FUCA2: variants seen among roughly 807,000 people sequenced by gnomAD.
FUCA2 encodes the protein plasma alpha-L-fucosidase.
A neutral mutation model predicts 52.6 loss-of-function variants in FUCA2; 41 were observed. The ratio of observed to expected loss-of-function variants is 0.78; its 90% CI spans 0.61 to 1.01. FUCA2 has a LOEUF of 1.01. FUCA2 is among the 50% of genes least tolerant of loss of function. The probability of loss-of-function intolerance (pLI) is 0.00; values close to 1 mark genes in which losing one functional copy is unlikely to be tolerated. For missense variants in FUCA2, 507 were observed against 569.5 expected (o/e 0.89, Z 1.12); for synonymous variants, 211 against 217.3 (o/e 0.97, Z 0.26).
At position 143,501,895 on chromosome 6, in the gene FUCA2, C is replaced by T; in HGVS notation, c.1154+37G>A. The T allele has an allele frequency of 6.5e-7, 1 of 1,537,950 alleles. No homozygotes were observed. The highest frequency in any genetic ancestry group is 8.9e-7 in the Non-Finnish European group (1 of 1,128,896). On this transcript the variant is annotated intron_variant, in intron 5 of 6. Transcript: ENST00000002165. The surrounding 1 kb of genome is among the most constrained non-coding windows in gnomAD (Gnocchi z 6.1). ...TGTCTGATAAATTTTAAATCTCTTC[C>T]TTTATAAAAGAGTACTTGGTAACAA... is the stretch of plus-strand genomic sequence containing the variant.
chr6:143,503,707 T>C lies in FUCA2; in HGVS notation c.752+206A>G, dbSNP rs1203024879. On this transcript the variant is annotated intron_variant, in intron 3 of 6. Coordinates refer to ENST00000002165, the MANE Select transcript of FUCA2 (RefSeq NM_032020.5). This position sits in a 1 kb window ranked among gnomAD's most constrained non-coding sequence, Gnocchi z 4.8. Reference sequence around the variant, plus strand: ...TTAGTCTGATCTCAAAATCAGACCATTGAGTTGGATTTTACTCCTGATTTA... The same window carrying C: ...TTAGTCTGATCTCAAAATCAGACCACTGAGTTGGATTTTACTCCTGATTTA... 27 of 491,460 alleles carry C rather than the reference T, an allele frequency of 5.5e-5. No individual in the cohort carries two copies. Among genetic ancestry groups the C allele is most frequent in the South Asian group, 3.3e-4 (10 of 30,532 alleles). The allele number at this position is 491,460 out of a possible 1,614,324, so 30.4% of individuals were successfully genotyped here.
At position 143,503,908 on chromosome 6, in the gene FUCA2, C is replaced by T. The variant is rs757100588; in HGVS notation, c.752+5G>A. ...GTAACTGCAGCAATCTCATAGCATA[C>T]ACACCTTTCATTATATAACCAGGCC... is the stretch of plus-strand genomic sequence containing the variant. On this transcript the variant is annotated splice_donor_5th_base_variant and intron_variant, in intron 3 of 6. Coordinates refer to ENST00000002165, the MANE Select transcript of FUCA2 (RefSeq NM_032020.5). This position sits in a 1 kb window ranked among gnomAD's most constrained non-coding sequence, Gnocchi z 4.8. 2 of 1,604,368 alleles carry T rather than the reference C, an allele frequency of 1.2e-6. No individual in the cohort carries two copies. Among genetic ancestry groups the T allele is most frequent in the Non-Finnish European group, 1.7e-6 (2 of 1,173,230 alleles).
rs1175472283 is a variant in FUCA2 at position 143,499,952 on chromosome 6, A to G, written c.1154+1980T>C. Among the ~76,000 whole-genome samples, 3 of 152,242 alleles carry G rather than the reference A, an allele frequency of 2.0e-5. No individual in the cohort carries two copies. Among genetic ancestry groups the G allele is most frequent in the Non-Finnish European group, 2.9e-5 (2 of 68,036 alleles). ...AATTGAGTTAAAGGGGAGAATTGCT[A>G]TAACAATCCTTGGGTGGATGATTTG... On this transcript the variant is annotated intron_variant, in intron 5 of 6. Coordinates refer to ENST00000002165, the MANE Select transcript of FUCA2 (RefSeq NM_032020.5). This position sits in a 1 kb window ranked among gnomAD's most constrained non-coding sequence, Gnocchi z 6.0.
Position 143,504,323 on chromosome 6 carries a change from G to T in FUCA2, c.413-71C>A. The T allele has an allele frequency of 7.6e-7, 1 of 1,310,940 alleles. No individual in the cohort carries two copies. Among genetic ancestry groups the T allele is most frequent in the Non-Finnish European group, 1.1e-6 (1 of 941,732 alleles). 81.2% of individuals were successfully genotyped at this position (1,310,940 alleles called of 1,614,324 possible). ...TTAGTAAATTTCAACCCACACAAATGCCCAAACAAATCACATAGTACATGC... is the reference window on the plus strand; with the variant it reads ...TTAGTAAATTTCAACCCACACAAATTCCCAAACAAATCACATAGTACATGC... On this transcript the variant is annotated intron_variant, in intron 2 of 6. Coordinates refer to ENST00000002165, the MANE Select transcript of FUCA2 (RefSeq NM_032020.5). This position sits in a 1 kb window ranked among gnomAD's most constrained non-coding sequence, Gnocchi z 4.4.
At position 143,510,005 on chromosome 6, in the gene FUCA2, A is replaced by G. The variant is rs1368227848; in HGVS notation, c.224+1406T>C. ...TTAGGAGAGAAGATGAAATTCCAGT[A>G]TGAAAGGCACTCTGTACTAGAAGGA... On this transcript the variant is annotated intron_variant, in intron 1 of 6. Transcript: ENST00000002165. The surrounding 1 kb of genome is among the most constrained non-coding windows in gnomAD (Gnocchi z 4.4). Among the ~76,000 whole-genome samples, 1 of 152,242 alleles carries G rather than the reference A, an allele frequency of 6.6e-6. No individual in the cohort carries two copies. The highest frequency in any genetic ancestry group is 2.4e-5 in the African/African-American group (1 of 41,466).
Position 143,495,888 on chromosome 6 carries a change from CT to C in FUCA2, c.1264-42del. ...TACATGCAAATGTCTCCAAATTTAT[CT>C]CTTTATCTCACCCACTTTCTATTGG... is the stretch of plus-strand genomic sequence containing the variant. On this transcript the variant is annotated intron_variant, in intron 6 of 6. Transcript: ENST00000002165. The surrounding 1 kb of genome is among the most constrained non-coding windows in gnomAD (Gnocchi z 5.2). 1 of 1,599,332 alleles carries C rather than the reference CT, an allele frequency of 6.3e-7. No individual in the cohort carries two copies. Among genetic ancestry groups the C allele is most frequent in the Non-Finnish European group, 8.5e-7 (1 of 1,169,636 alleles).
rs934433807 is a variant in FUCA2, at chr6:143,510,736, G to A, written c.224+675C>T. ...ACTTAATACTTGTAGCATTTAGTCAGAAAAGACATGTGCAACAGTTTAAGA... is the reference window on the plus strand; with the variant it reads ...ACTTAATACTTGTAGCATTTAGTCAAAAAAGACATGTGCAACAGTTTAAGA... On this transcript the variant is annotated intron_variant, in intron 1 of 6. Coordinates refer to ENST00000002165, the MANE Select transcript of FUCA2 (RefSeq NM_032020.5). The surrounding 1 kb of genome is among the most constrained non-coding windows in gnomAD (Gnocchi z 4.4). Among the ~76,000 whole-genome samples, 3 of 152,022 alleles carry A rather than the reference G, an allele frequency of 2.0e-5. No individual in the cohort carries two copies. The highest frequency in any genetic ancestry group is 2.0e-4 in the Admixed American group (3 of 15,256).
Position 143,495,249 on chromosome 6 carries a change from T to C in FUCA2, c.*458A>G, listed in dbSNP as rs1180401842. 6.3e-6 allele frequency: 1 copy of C among 159,300 alleles called. No homozygotes were observed. The highest frequency in any genetic ancestry group is 2.4e-5 in the African/African-American group (1 of 41,540). The allele number at this position is 159,300 out of a possible 1,614,324, so 9.9% of individuals were successfully genotyped here. A position where few individuals can be genotyped will look rare whatever the true frequency, so the allele number is the denominator to read the frequency against. On this transcript the variant is annotated 3_prime_UTR_variant, in exon 7 of 7. Coordinates refer to ENST00000002165, the MANE Select transcript of FUCA2 (RefSeq NM_032020.5). This position sits in a 1 kb window ranked among gnomAD's most constrained non-coding sequence, Gnocchi z 5.2. ...AACAGTCTATACCATACACATTAGG[T>C]GTGTAGTAGGCTATGCCATCTAGGA... is the stretch of plus-strand genomic sequence containing the variant.
Position 143,510,023 on chromosome 6 carries a change from T to A in FUCA2, c.224+1388A>T, listed in dbSNP as rs554664494. 3.1e-4 allele frequency among the ~76,000 whole-genome samples: 47 copies of A among 152,330 alleles called. No individual in the cohort carries two copies. Among genetic ancestry groups the A allele is most frequent in the African/African-American group, 1.1e-3 (45 of 41,576 alleles). ...TTCCAGTATGAAAGGCACTCTGTAC[T>A]AGAAGGAAAGGCAACATCCTAAGCT... On this transcript the variant is annotated intron_variant, in intron 1 of 6. Coordinates refer to ENST00000002165, the MANE Select transcript of FUCA2 (RefSeq NM_032020.5). The surrounding 1 kb of genome is among the most constrained non-coding windows in gnomAD (Gnocchi z 4.4).
rs757551709 is a variant in FUCA2, at chr6:143,507,464, C to G, written c.225-40G>C. On this transcript the variant is annotated intron_variant, in intron 1 of 6. Transcript: ENST00000002165. The surrounding 1 kb of genome is among the most constrained non-coding windows in gnomAD (Gnocchi z 4.5). ...GGAAAGAGTGCATAAACAGCACATA[C>G]ACACATATTTAAAAGAACTGCTCCA... 7.1e-6 allele frequency: 10 copies of G among 1,414,304 alleles called. No individual in the cohort carries two copies. In the Admixed American group the frequency reaches 9.9e-5, roughly 14 times the overall value. 87.6% of individuals were successfully genotyped at this position (1,414,304 alleles called of 1,614,324 possible). A position where few individuals can be genotyped will look rare whatever the true frequency, so the allele number is the denominator to read the frequency against.
At position 143,495,659 on chromosome 6, in the gene FUCA2, GT is replaced by G; in HGVS notation, c.*47del. On this transcript the variant is annotated 3_prime_UTR_variant, in exon 7 of 7. Coordinates refer to ENST00000002165, the MANE Select transcript of FUCA2 (RefSeq NM_032020.5). This position sits in a 1 kb window ranked among gnomAD's most constrained non-coding sequence, Gnocchi z 5.2. ...GTGCTACAATTATAGACACCTGATAGTTCCTAGCCTTAGACATAACTTGCAG... is the reference window on the plus strand; with the variant it reads ...GTGCTACAATTATAGACACCTGATAGTCCTAGCCTTAGACATAACTTGCAG... The G allele has an allele frequency of 6.4e-7, 1 of 1,573,778 alleles. No homozygotes were observed. Among genetic ancestry groups the G allele is most frequent in the Middle Eastern group, 1.7e-4 (1 of 5,844 alleles).
In FUCA2 at chr6:143,507,737, A is replaced by G. The variant is rs928622532; in HGVS notation, c.225-313T>C. Among the ~76,000 whole-genome samples, 5 of 152,082 alleles carry G rather than the reference A, an allele frequency of 3.3e-5. No individual in the cohort carries two copies. The highest frequency in any genetic ancestry group is 4.8e-5 in the African/African-American group (2 of 41,402). On this transcript the variant is annotated intron_variant, in intron 1 of 6. Transcript: ENST00000002165. The surrounding 1 kb of genome is among the most constrained non-coding windows in gnomAD (Gnocchi z 4.5). Reference sequence around the variant, plus strand: ...CAGGTTGGAATGCAGTAATGGAATCATGGTTCACTGCAACCTTGACCTCCT... The same window carrying G: ...CAGGTTGGAATGCAGTAATGGAATCGTGGTTCACTGCAACCTTGACCTCCT...
Position 143,507,017 on chromosome 6 carries a change from C to A in FUCA2, c.412+220G>T. 2.1e-6 allele frequency: 1 copy of A among 483,798 alleles called. No homozygotes were observed. The highest frequency in any genetic ancestry group is 3.6e-6 in the Non-Finnish European group (1 of 279,432). The allele number at this position is 483,798 out of a possible 1,614,324, so 30.0% of individuals were successfully genotyped here. A position where few individuals can be genotyped will look rare whatever the true frequency, so the allele number is the denominator to read the frequency against. ...CAAAATACATGTGACAAAACGTGAC[C>A]ATCTTTCCTCTGTTACGTGGCGGGT... On this transcript the variant is annotated intron_variant, in intron 2 of 6. Transcript: ENST00000002165. This position sits in a 1 kb window ranked among gnomAD's most constrained non-coding sequence, Gnocchi z 4.5.
Position 143,502,089 on chromosome 6 carries a change from G to C in FUCA2, c.997C>G (p.Leu333Val). ...AGTGTGGGCCCAATATTCATCAAAA[G>C]ATTTCCTCCACATGAAACTGTCTCT... Reference protein sequence around the residue: ...LVETVSCGGNLLMNIGPTLDG... With the variant: ...LVETVSCGGNVLMNIGPTLDG... Residue 333 changes from leucine to valine, a missense_variant, in exon 5 of 7, where the codon CTT becomes GTT. Transcript: ENST00000002165. The surrounding 1 kb of genome is among the most constrained non-coding windows in gnomAD (Gnocchi z 4.1). 6.2e-7 allele frequency: 1 copy of C among 1,611,082 alleles called. No individual in the cohort carries two copies. Among genetic ancestry groups the C allele is most frequent in the Non-Finnish European group, 8.5e-7 (1 of 1,178,776 alleles).
Position 143,501,900 on chromosome 6 carries a change from T to C in FUCA2, c.1154+32A>G. 1 of 1,562,326 alleles carries C rather than the reference T, an allele frequency of 6.4e-7. No homozygotes were observed. Among genetic ancestry groups the C allele is most frequent in the South Asian group, 1.2e-5 (1 of 85,124 alleles). ...GATAAATTTTAAATCTCTTCCTTTA[T>C]AAAAGAGTACTTGGTAACAAGAATG... On this transcript the variant is annotated intron_variant, in intron 5 of 6. Coordinates refer to ENST00000002165, the MANE Select transcript of FUCA2 (RefSeq NM_032020.5). This position sits in a 1 kb window ranked among gnomAD's most constrained non-coding sequence, Gnocchi z 6.1.
Position 143,502,168 on chromosome 6 carries a change from T to C in FUCA2, c.964-46A>G, listed in dbSNP as rs761183365. ...TTTTTAGATAAATAAAATAATTCCA[T>C]CTTTAATGTGCTAATATGTTGCATT... is the stretch of plus-strand genomic sequence containing the variant. On this transcript the variant is annotated intron_variant, in intron 4 of 6. Transcript: ENST00000002165. This position sits in a 1 kb window ranked among gnomAD's most constrained non-coding sequence, Gnocchi z 4.1. The C allele has an allele frequency of 2.7e-6, 4 of 1,467,828 alleles. No homozygotes were observed. Among genetic ancestry groups the C allele is most frequent in the African/African-American group, 2.9e-5 (2 of 69,426 alleles). 90.9% of individuals were successfully genotyped at this position (1,467,828 alleles called of 1,614,324 possible).
rs892851254 is a variant in FUCA2, at chr6:143,504,490, G to A, written c.413-238C>T. On this transcript the variant is annotated intron_variant, in intron 2 of 6. Transcript: ENST00000002165. The surrounding 1 kb of genome is among the most constrained non-coding windows in gnomAD (Gnocchi z 4.4). ...CAACTTTCAGGGTATATCACTGTAC[G>A]GTCTGATCTATCTCCAGTATTTTCC... 4.0e-5 allele frequency: 19 copies of A among 471,618 alleles called. No homozygotes were observed. The East Asian group carries it at 4.8e-4, about 12-fold the overall frequency. The allele number at this position is 471,618 out of a possible 1,614,324, so 29.2% of individuals were successfully genotyped here.
chr6:143,500,631 C>CATT lies in FUCA2; in HGVS notation c.1154+1298_1154+1300dup, dbSNP rs1410062763. Among the ~76,000 whole-genome samples, 1 of 152,106 alleles carries CATT rather than the reference C, an allele frequency of 6.6e-6. No individual in the cohort carries two copies. The highest frequency in any genetic ancestry group is 1.5e-5 in the Non-Finnish European group (1 of 68,030). On this transcript the variant is annotated intron_variant, in intron 5 of 6. Transcript: ENST00000002165. The surrounding 1 kb of genome is among the most constrained non-coding windows in gnomAD (Gnocchi z 6.9). Reference sequence around the variant, plus strand: ...GTGTTGAGTAAGAAGTTCGACTTTGCATTACCAATATGACCTTGTATATTG... The same window carrying CATT: ...GTGTTGAGTAAGAAGTTCGACTTTGCATTATTACCAATATGACCTTGTATATTG...
At chr6:143,496,009 G>GT (rs1780454854) in intron 6 of FUCA2, among the ~76,000 whole-genome samples, 162 bp from the exon 7 acceptor site, 1 of 152,182 alleles carries the variant, frequency 6.6e-6, no homozygotes, top group African/African-American at 2.4e-5. Context: ...CCAATTGAGT[G>GT]TATGTATCTT....
Sources: gnomAD v4.1 joint callset for allele counts (sites outside exome capture counted in the v4.1 genomes callset) on GRCh38, gnomAD v4.1.1 for gene constraint, Gnocchi (gnomAD v3.1) non-coding constraint, MANE v1.5 for transcripts, NCBI Gene and HGNC (gene_info 2026-07-23, HGNC 2026-07-21) for gene names.